Variants in CC2D2A observed in about 807,000 individuals in gnomAD.
CC2D2A encodes the protein coiled-coil and C2 domain containing 2A, also known as coiled-coil and C2 domain-containing protein 2A.
Under a neutral mutation model 212.9 loss-of-function variants are expected in CC2D2A, and 155 were observed. The observed-to-expected ratio is 0.73, with a 90% CI of 0.64 to 0.83. CC2D2A has a LOEUF of 0.83. Among genes scored for constraint, CC2D2A ranks in the 40% least tolerant of loss-of-function variants. The pLI is 0.00. For synonymous variants in CC2D2A, 667 were observed against 686.5 expected (o/e 0.97, Z 0.44); for missense variants, 1,856 against 1,956.2 (o/e 0.95, Z 0.97).
chr4:15,526,934 C>T (rs1717539497), intron 11 of CC2D2A, among the ~76,000 whole-genome samples: 1 of 152,190 alleles, frequency 6.6e-6, no homozygotes, highest in South Asian at 2.1e-4. Context: ...CATCCCTCCT[C>T]CCCATGAAGA....
chr4:15,586,471 C>T (rs1170740081), intron 31 of CC2D2A, among the ~76,000 whole-genome samples: 3 of 152,112 alleles, frequency 2.0e-5, no homozygotes, highest in African/African-American at 7.2e-5. Context: ...AAAAGTAACA[C>T]TTCAGATGTC....
chr4:15,570,246 A>C (rs1365365326), intron 27 of CC2D2A, among the ~76,000 whole-genome samples, 152 bp from the exon 28 acceptor site: 2 of 152,232 alleles, frequency 1.3e-5, no homozygotes, highest in African/African-American at 4.8e-5. Flanking sequence ...AGGGCCACAA[A>C]GCCATTATGT....
chr4:15,508,985 G>A (rs746863739), intron 6 of CC2D2A, among the ~76,000 whole-genome samples: 16 of 152,080 alleles, frequency 1.1e-4, no homozygotes, highest in African/African-American at 1.7e-4. Flanking sequence ...TAAAAGGGGT[G>A]GATTAGAAGG....
chr4:15,557,594 G>C, intron 21 of CC2D2A, 87 bp downstream of exon 21: 1 of 827,222 alleles, frequency 1.2e-6, no homozygotes, highest in Non-Finnish European at 1.8e-6. Context: ...TTTTGTTTTT[G>C]TTATGTTGTC....
chr4:15,599,818 T>C (rs1721501619), intron 36 of CC2D2A, 112 bp downstream of exon 36: 1 of 724,074 alleles, frequency 1.4e-6, no homozygotes, highest in Non-Finnish European at 2.1e-6. Flanking sequence ...CAGAAGTACA[T>C]ATTTAAAGCA....
At chr4:15,477,243 G>A (rs1432514467) in intron 2 of CC2D2A, among the ~76,000 whole-genome samples, 6 of 151,282 alleles carry the variant, frequency 4.0e-5, no homozygotes, top group Non-Finnish European at 5.9e-5. Flanking sequence ...CGGAGGTTGC[G>A]GTGAGCCGAG....
At chr4:15,470,639 C>A (rs562691047) in intron 1 of CC2D2A, among the ~76,000 whole-genome samples, 1 of 142,968 alleles carries the variant, frequency 7.0e-6, no homozygotes, top group Admixed American at 7.1e-5. Flanking sequence ...AAATTCAGCA[C>A]CAGCATGAAA....
intron 30 of CC2D2A, among the ~76,000 whole-genome samples, chr4:15,584,385 G>C (rs577538914): frequency 6.6e-6 from 1 of 152,080 alleles, no homozygotes; most frequent in African/African-American, 2.4e-5. Flanking sequence ...AAGGCACCAA[G>C]AACACACATT....
At position 15,541,014 on chromosome 4, in the gene CC2D2A, G is replaced by A; in HGVS notation, c.2181G>A (p.Gln727=). 2 of 1,537,040 alleles carry A rather than the reference G, an allele frequency of 1.3e-6. No homozygotes were observed. Among genetic ancestry groups the A allele is most frequent in the African/African-American group, 1.4e-5 (1 of 72,710 alleles). ...ACTGGCCGGAGAGTTTAACACTTCA[G>A]GTACACATTTTAATTATAGTTACTG... ...IVNWPESLTL[Q]VYETVGHSSP... Residue 727 remains glutamine, a splice_region_variant and synonymous_variant, in exon 17 of 37, where the codon CAG becomes CAA. Coordinates refer to ENST00000424120, the MANE Select transcript of CC2D2A (RefSeq NM_001378615.1).
At chr4:15,574,525 C>T (rs920340808) in intron 29 of CC2D2A, among the ~76,000 whole-genome samples, 199 bp downstream of exon 29, 6 of 152,122 alleles carry the variant, frequency 3.9e-5, no homozygotes, top group Non-Finnish European at 8.8e-5. Context: ...AACCAGTAAT[C>T]GGGTCAATCA....
At chr4:15,500,789 T>C (rs1444503374) in intron 4 of CC2D2A, among the ~76,000 whole-genome samples, 1 of 152,166 alleles carries the variant, frequency 6.6e-6, no homozygotes, top group African/African-American at 2.4e-5. Flanking sequence ...TCTACCACTC[T>C]TACTTTCACC....
intron 28 of CC2D2A, among the ~76,000 whole-genome samples, chr4:15,572,468 T>A (rs1720213402): frequency 6.6e-6 from 1 of 151,982 alleles, no homozygotes; most frequent in South Asian, 2.1e-4. Flanking sequence ...CCAAAGTGCA[T>A]GCTCTCAAGT....
In CC2D2A at chr4:15,550,841, A is replaced by G. The variant is rs1462619759; in HGVS notation, c.2199A>G (p.Gly733=). ...GTTTTCAGGTCTATGAAACTGTCGG[A>G]CACAGTAGTCCCACCTTGCTAGCAG... ...SLTLQVYETV[G]HSSPTLLAEV... Residue 733 remains glycine, a synonymous_variant, in exon 18 of 37, where the codon GGA becomes GGG. Transcript: ENST00000424120. 1 of 1,576,166 alleles carries G rather than the reference A, an allele frequency of 6.3e-7. No homozygotes were observed. Among genetic ancestry groups the G allele is most frequent in the East Asian group, 2.3e-5 (1 of 44,118 alleles).
Position 15,491,049 on chromosome 4 carries a change from C to T in CC2D2A, c.247+10222C>T, listed in dbSNP as rs758170310. On this transcript the variant is annotated intron_variant, in intron 4 of 36. Coordinates refer to ENST00000424120, the MANE Select transcript of CC2D2A (RefSeq NM_001378615.1). Reference sequence around the variant, plus strand: ...TGTGAGTCTTGCCGAAGCTCCCGGCCGAATAAAGCCCTTCCTTCTTTAGCT... The same window carrying T: ...TGTGAGTCTTGCCGAAGCTCCCGGCTGAATAAAGCCCTTCCTTCTTTAGCT... Among the ~76,000 whole-genome samples the T allele has an allele frequency of 2.6e-5, 4 of 152,060 alleles. No homozygotes were observed. The East Asian group carries it at 5.8e-4, about 22-fold the overall frequency.
intron 17 of CC2D2A, among the ~76,000 whole-genome samples, chr4:15,548,243 T>C (rs1473940710): frequency 6.6e-6 from 1 of 151,958 alleles, no homozygotes; most frequent in African/African-American, 2.4e-5. Context: ...AGTCCATGAT[T>C]GCCTCTGCCT....
chr4:15,534,409 T>C (rs1052562606), intron 14 of CC2D2A, among the ~76,000 whole-genome samples: 1 of 152,262 alleles, frequency 6.6e-6, no homozygotes, highest in African/African-American at 2.4e-5. Context: ...TTCTATGATA[T>C]TGTCTCCTAT....
intron 17 of CC2D2A, among the ~76,000 whole-genome samples, chr4:15,544,317 T>A (rs1357190844): frequency 2.0e-5 from 3 of 152,076 alleles, no homozygotes; most frequent in African/African-American, 7.2e-5. Flanking sequence ...CAGGCATCAA[T>A]AGTGAAGAGG....
chr4:15,532,824 C>T (rs1717918117), intron 13 of CC2D2A, among the ~76,000 whole-genome samples: 1 of 152,220 alleles, frequency 6.6e-6, no homozygotes, highest in Admixed American at 6.5e-5. Flanking sequence ...CACAGGAAGA[C>T]TTTACATGTA....
In CC2D2A at chr4:15,559,274, A is replaced by G. The variant is rs1719445854; in HGVS notation, c.2922+17A>G. ...CTCCAGCAGGTAAGAAAAATCATATAAAACTGTCTTCATAGGGAGAAAAGA... is the reference window on the plus strand; with the variant it reads ...CTCCAGCAGGTAAGAAAAATCATATGAAACTGTCTTCATAGGGAGAAAAGA... On this transcript the variant is annotated intron_variant, in intron 22 of 36. Coordinates refer to ENST00000424120, the MANE Select transcript of CC2D2A (RefSeq NM_001378615.1). 6.7e-7 allele frequency: 1 copy of G among 1,489,042 alleles called. No individual in the cohort carries two copies. Among genetic ancestry groups the G allele is most frequent in the Non-Finnish European group, 9.2e-7 (1 of 1,090,572 alleles). 92.2% of individuals were successfully genotyped at this position (1,489,042 alleles called of 1,614,324 possible).
Sources: allele counts gnomAD v4.1 joint callset (sites outside exome capture counted in the v4.1 genomes callset), GRCh38; gene constraint gnomAD v4.1.1; transcripts MANE v1.5; gene names NCBI Gene and HGNC (gene_info 2026-07-23, HGNC 2026-07-21).